The following RPS6KA6 variants were observed in gnomAD, a reference collection of about 807,000 sequenced individuals.
RPS6KA6 encodes the protein ribosomal protein S6 kinase alpha-6.
Under a neutral mutation model 65.4 loss-of-function variants are expected in RPS6KA6, and 27 were observed. That is an observed-to-expected ratio of 0.41 (90% confidence interval 0.30 to 0.57). The LOEUF (loss-of-function observed/expected upper bound fraction) is 0.57. Ranked by LOEUF, RPS6KA6 falls within the 20% of genes least tolerant of loss-of-function variation. The pLI is 0.24. For missense variants in RPS6KA6, 486 were observed against 555.6 expected (o/e 0.87, Z 1.26); for synonymous variants, 190 against 184.2 (o/e 1.03, Z -0.26).
In RPS6KA6 at chrX:84,138,416, T is replaced by C. The variant is rs750011940; in HGVS notation, c.502-3206A>G. On this transcript the variant is annotated intron_variant, in intron 6 of 21. Transcript: ENST00000262752. ...GAAAAAAAAAAATAGCCTGGTATAGTGGCGCACGCTTCTGTAGTCCAAGCT... is the reference window on the plus strand; with the variant it reads ...GAAAAAAAAAAATAGCCTGGTATAGCGGCGCACGCTTCTGTAGTCCAAGCT... 2.8e-5 allele frequency among the ~76,000 whole-genome samples: 3 copies of C among 108,312 alleles called. No homozygotes were observed. The Admixed American group carries it at 3.0e-4, about 11-fold the overall frequency. 94.1% of individuals were successfully genotyped at this position (108,312 alleles called of 115,157 possible).
chrX:84,148,272 T>C (rs1355478438), intron 3 of RPS6KA6, 149 bp from the exon 4 acceptor site: 1 of 377,980 alleles, frequency 2.6e-6, no homozygotes, highest in Admixed American at 5.1e-5. Context: ...GGAGAGATAG[T>C]GAGAGATTTG....
intron 19 of RPS6KA6, among the ~76,000 whole-genome samples, chrX:84,097,059 C>A (rs1448739285): frequency 9.0e-6 from 1 of 111,012 alleles, no homozygotes; most frequent in Non-Finnish European, 1.9e-5. Flanking sequence ...CTTGGTATGT[C>A]AAGCATATTT....
At chrX:84,097,700 C>A (rs1240479163) in intron 19 of RPS6KA6, 72 bp downstream of exon 19, 5 of 612,986 alleles carry the variant, frequency 8.2e-6, no homozygotes, top group Non-Finnish European at 1.3e-5. Context: ...TTAATCTATT[C>A]TCTTTCTAGA....
chrX:84,121,467 CT>C (rs760716658), intron 8 of RPS6KA6, among the ~76,000 whole-genome samples: 2 of 112,240 alleles, frequency 1.8e-5, no homozygotes, highest in South Asian at 7.3e-4. Flanking sequence ...ACCCTTTTTA[CT>C]TTCTTTTCTT....
At chrX:84,111,933 G>C (rs946352518) in intron 12 of RPS6KA6, among the ~76,000 whole-genome samples, 23 of 111,502 alleles carry the variant, frequency 2.1e-4, no homozygotes, top group African/African-American at 7.2e-4. Context: ...CTGCCAAAAA[G>C]AGACCCACAG....
chrX:84,142,242 G>A (rs1485613569), intron 6 of RPS6KA6, among the ~76,000 whole-genome samples: 1 of 111,471 alleles, frequency 9.0e-6, no homozygotes, highest in African/African-American at 3.2e-5. Flanking sequence ...CCAAATATTT[G>A]TAAATTAAGC....
At chrX:84,144,045 T>C (rs1315788019) in intron 6 of RPS6KA6, among the ~76,000 whole-genome samples, 1 of 110,896 alleles carries the variant, frequency 9.0e-6, no homozygotes, top group Non-Finnish European at 1.9e-5. Context: ...TCAAAACGGA[T>C]CCTAAATCTA....
chrX:84,108,820 C>T (rs979938024), intron 12 of RPS6KA6, among the ~76,000 whole-genome samples: 5 of 111,700 alleles, frequency 4.5e-5, no homozygotes, highest in African/African-American at 1.6e-4. Flanking sequence ...GTGCACACCT[C>T]AAAGACAGAT....
chrX:84,159,058 GCA>G (rs2147593007), intron 2 of RPS6KA6, among the ~76,000 whole-genome samples: 1 of 110,677 alleles, frequency 9.0e-6, no homozygotes, highest in South Asian at 3.8e-4. Context: ...ATACATGCGT[GCA>G]CACACATATA....
chrX:84,133,791 C>A (rs975704703), intron 8 of RPS6KA6, among the ~76,000 whole-genome samples: 2 of 110,989 alleles, frequency 1.8e-5, no homozygotes, highest in Admixed American at 9.6e-5. Context: ...TTTTCCTTTC[C>A]TTTTTCTCTT....
At position 84,107,645 on chromosome X, in the gene RPS6KA6, T is replaced by G; in HGVS notation, c.1089A>C (p.Glu363Asp). Residue 363 changes from glutamate (E) to aspartate (D), a missense_variant, in exon 13 of 22, where the codon GAA becomes GAC. Around this residue, in one of 3 missense-constraint regions of RPS6KA6, gnomAD observed 345 missense variants for 375.0 expected, o/e 0.92. Coordinates refer to ENST00000262752, the MANE Select transcript of RPS6KA6 (RefSeq NM_014496.5). ...TACCTTTAGGTGTTTTTGCAGTAAA[T>G]TCAGGATCAAAACAAAAAGTATCAT... ...KPDDTFCFDP[E>D]FTAKTPKDSP... 1 of 1,195,358 alleles carries G rather than the reference T, an allele frequency of 8.4e-7. No individual in the cohort carries two copies. The highest frequency in any genetic ancestry group is 1.1e-6 in the Non-Finnish European group (1 of 883,814).
intron 20 of RPS6KA6, among the ~76,000 whole-genome samples, chrX:84,069,452 A>G (rs750467947): frequency 3.8e-4 from 43 of 112,244 alleles, no homozygotes; most frequent in Middle Eastern, 4.6e-3. Flanking sequence ...ACCTAAAACC[A>G]TAAAAGCCCT....
chrX:84,151,186 AG>A (rs1238530366), intron 3 of RPS6KA6, among the ~76,000 whole-genome samples: 30 of 99,814 alleles, frequency 3.0e-4, no homozygotes, highest in African/African-American at 1.1e-3. Flanking sequence ...ATAGCTATAT[AG>A]GATATATAGA....
intron 20 of RPS6KA6, among the ~76,000 whole-genome samples, chrX:84,066,237 G>A (rs1408083720): frequency 1.9e-5 from 2 of 104,475 alleles, no homozygotes; most frequent in Non-Finnish European, 3.9e-5. Context: ...ACCCAGTGGT[G>A]CCTGGAATCC....
chrX:84,128,436 G>A (rs1170213474), intron 8 of RPS6KA6, among the ~76,000 whole-genome samples: 1 of 110,887 alleles, frequency 9.0e-6, no homozygotes. Context: ...ACTACCCAAA[G>A]CAATCTACAG....
intron 2 of RPS6KA6, among the ~76,000 whole-genome samples, chrX:84,162,169 T>A: frequency 9.1e-6 from 1 of 110,451 alleles, no homozygotes; most frequent in African/African-American, 3.3e-5. Flanking sequence ...ATCAGCAACC[T>A]GTTACCTAAT....
intron 1 of RPS6KA6, 35 bp downstream of exon 1, chrX:84,187,784 G>C: frequency 8.6e-7 from 1 of 1,169,504 alleles, no homozygotes; most frequent in Non-Finnish European, 1.2e-6. Flanking sequence ...AGGAGGCGGG[G>C]GTTGGCTCCA....
chrX:84,109,541 G>A (rs1340172763), intron 12 of RPS6KA6, among the ~76,000 whole-genome samples: 2 of 110,429 alleles, frequency 1.8e-5, no homozygotes, highest in Non-Finnish European at 3.8e-5. Context: ...TTCTGTGGGC[G>A]CTCCCGAGAG....
chrX:84,111,620 T>C (rs1022162328), intron 12 of RPS6KA6, among the ~76,000 whole-genome samples: 2 of 111,428 alleles, frequency 1.8e-5, no homozygotes, highest in African/African-American at 6.5e-5. Context: ...ATAAAGTCAT[T>C]AACCGAAAAG....
Sources: gnomAD v4.1 joint callset for allele counts (sites outside exome capture counted in the v4.1 genomes callset) on GRCh38, gnomAD v4.1.1 for gene constraint, gnomAD v4.1.1 regional missense constraint, MANE v1.5 for transcripts, NCBI Gene and HGNC (gene_info 2026-07-23, HGNC 2026-07-21) for gene names.